NCOA2: variants seen among roughly 807,000 people sequenced by gnomAD.
NCOA2 encodes class E basic helix-loop-helix protein 75.
NCOA2 carries 21 observed loss-of-function variants against 145.1 expected under a neutral mutation model. That is an observed-to-expected ratio of 0.14 (90% CI 0.10 to 0.21). NCOA2 has a LOEUF of 0.21. Among genes scored for constraint, NCOA2 ranks in the 10% least tolerant of loss-of-function variants. NCOA2 has a pLI of 1.00. For synonymous variants in NCOA2, 619 were observed against 637.5 expected, an observed-to-expected ratio of 0.97 and a Z score of 0.44; for missense variants, 1,472 against 1,837.6, an observed-to-expected ratio of 0.80 and a Z score of 3.64.
At chr8:70,330,216 A>ATGATG (rs137886603) in intron 1 of NCOA2, among the ~76,000 whole-genome samples, 3 of 150,800 alleles carry the variant, frequency 2.0e-5, no homozygotes, top group South Asian at 2.1e-4. Flanking sequence ...TGATGATGAT[A>ATGATG]ATGATGATGA....
intron 2 of NCOA2, among the ~76,000 whole-genome samples, chr8:70,222,756 T>C (rs1041970754): frequency 2.6e-5 from 4 of 152,216 alleles, no homozygotes; most frequent in Admixed American, 2.0e-4. Flanking sequence ...TGCTGCAACA[T>C]ATCCATCATC....
chr8:70,223,212 A>G (rs1213496283), intron 2 of NCOA2, among the ~76,000 whole-genome samples: 1 of 152,206 alleles, frequency 6.6e-6, no homozygotes, highest in African/African-American at 2.4e-5. Context: ...ACAATGTAGC[A>G]CTTGTGTTTG....
chr8:70,176,683 T>C (rs1814889336), intron 4 of NCOA2, among the ~76,000 whole-genome samples: 1 of 152,238 alleles, frequency 6.6e-6, no homozygotes, highest in Non-Finnish European at 1.5e-5. Flanking sequence ...TCTAAGAATG[T>C]TGATTTCTCC....
chr8:70,249,676 C>G (rs1424541741), intron 2 of NCOA2, among the ~76,000 whole-genome samples: 1 of 152,024 alleles, frequency 6.6e-6, no homozygotes, highest in African/African-American at 2.4e-5. Flanking sequence ...TATATCAAAA[C>G]TGTAGGCCGG....
the NCOA2 span, among the ~76,000 whole-genome samples, chr8:70,446,950 G>A: frequency 6.6e-6 from 1 of 152,122 alleles, no homozygotes; most frequent in East Asian, 1.9e-4. Flanking sequence ...AGCAATTCTA[G>A]GCTTCCTGAA....
chr8:70,336,975 C>A (rs1036217763), intron 1 of NCOA2, among the ~76,000 whole-genome samples: 3 of 152,082 alleles, frequency 2.0e-5, no homozygotes, highest in African/African-American at 7.2e-5. Flanking sequence ...GGAAAAAAGT[C>A]ATCTTCCAAA....
chr8:70,130,738 A>G (rs140676604), intron 16 of NCOA2, among the ~76,000 whole-genome samples: 56 of 152,338 alleles, frequency 3.7e-4, no homozygotes, highest in African/African-American at 1.3e-3. Context: ...ATGACACATC[A>G]TATGGCCAAG....
chr8:70,163,977 CTTGTT>C (rs1213886314), intron 7 of NCOA2, among the ~76,000 whole-genome samples: 4 of 152,284 alleles, frequency 2.6e-5, no homozygotes, highest in Non-Finnish European at 4.4e-5. Flanking sequence ...ATATGATACT[CTTGTT>C]TTGTCAAGGG....
chr8:70,383,749 C>T (rs938653221), intron 1 of NCOA2, among the ~76,000 whole-genome samples: 21 of 152,298 alleles, frequency 1.4e-4, no homozygotes, highest in African/African-American at 3.4e-4. Context: ...AGGTGATCCG[C>T]CCACCTCGGC....
At chr8:70,369,272 T>A (rs1003147784) in intron 1 of NCOA2, among the ~76,000 whole-genome samples, 3 of 152,214 alleles carry the variant, frequency 2.0e-5, no homozygotes, top group Non-Finnish European at 4.4e-5. Context: ...TTGGAAGATG[T>A]CCATTTAAGG....
intron 4 of NCOA2, among the ~76,000 whole-genome samples, chr8:70,175,899 C>G (rs879650483): frequency 2.0e-5 from 3 of 148,840 alleles, no homozygotes; most frequent in Non-Finnish European, 4.4e-5. Context: ...ATATTTTATA[C>G]AGTATGTTGA....
chr8:70,373,798 C>T lies in NCOA2; in HGVS notation c.-77+29902G>A, dbSNP rs79538193. On this transcript the variant is annotated intron_variant, in intron 1 of 22. Coordinates refer to ENST00000452400, the MANE Select transcript of NCOA2 (RefSeq NM_006540.4). The stretch of plus-strand genomic sequence containing the variant: ...CAGTTGTTTTAACATCATTTGTTGA[C>T]TAAAAAACAATTGACCGTATAACGT... 1.3e-4 allele frequency among the ~76,000 whole-genome samples: 20 copies of T among 152,252 alleles called. No individual in the cohort carries two copies. In the East Asian group the frequency reaches 3.9e-3, roughly 29 times the overall value.
chr8:70,132,138 A>G, intron 15 of NCOA2, 136 bp from the exon 16 acceptor site: 1 of 835,278 alleles, frequency 1.2e-6, no homozygotes, highest in Non-Finnish European at 1.8e-6. Context: ...CTCAACACAG[A>G]ACAAAAGGAC....
intron 2 of NCOA2, among the ~76,000 whole-genome samples, chr8:70,290,005 T>A (rs1295290866): frequency 6.6e-6 from 1 of 151,952 alleles, no homozygotes; most frequent in Non-Finnish European, 1.5e-5. Flanking sequence ...AGCTAAATGC[T>A]ACCCCTACGT....
chr8:70,434,272 T>A, the NCOA2 span, among the ~76,000 whole-genome samples: 9 of 152,288 alleles, frequency 5.9e-5, no homozygotes, highest in African/African-American at 2.2e-4. Flanking sequence ...ATACTATAAA[T>A]AAAGTTTTAA....
intron 4 of NCOA2, among the ~76,000 whole-genome samples, chr8:70,196,956 A>G (rs1462712636): frequency 6.6e-6 from 1 of 152,194 alleles, no homozygotes; most frequent in African/African-American, 2.4e-5. Flanking sequence ...TATCTATGAA[A>G]CATAGGCAAT....
the NCOA2 span, among the ~76,000 whole-genome samples, chr8:70,447,677 G>GTTTTTT: frequency 1.5e-4 from 14 of 94,624 alleles, no homozygotes; most frequent in South Asian, 3.5e-4. Flanking sequence ...TTAGGTCTTT[G>GTTTTTT]TTTTCTTTTT....
At chr8:70,317,419 C>T (rs1308031761) in intron 1 of NCOA2, among the ~76,000 whole-genome samples, 2 of 152,158 alleles carry the variant, frequency 1.3e-5, no homozygotes, top group Admixed American at 1.3e-4. Flanking sequence ...CAAGAAGGCA[C>T]ACCAAAAGCA....
At chr8:70,158,139 C>T (rs1339010968) in intron 10 of NCOA2, among the ~76,000 whole-genome samples, 1 of 152,198 alleles carries the variant, frequency 6.6e-6, no homozygotes, top group Non-Finnish European at 1.5e-5. Flanking sequence ...TCTGTAATCA[C>T]TTTCAAATTG....
Sources: gnomAD v4.1 joint callset for allele counts (sites outside exome capture counted in the v4.1 genomes callset) on GRCh38, gnomAD v4.1.1 for gene constraint, MANE v1.5 for transcripts, NCBI Gene and HGNC (gene_info 2026-07-23, HGNC 2026-07-21) for gene names.